The following ZDHHC15 variants were observed in gnomAD, a reference collection of about 807,000 sequenced individuals.
ZDHHC15 encodes the protein zDHHC palmitoyltransferase 15.
ZDHHC15 carries 19 observed loss-of-function variants against 31.7 expected under a neutral mutation model. The observed-to-expected ratio is 0.60, with a 90% CI of 0.42 to 0.88. The LOEUF (loss-of-function observed/expected upper bound fraction) is 0.88. ZDHHC15 is among the 40% of genes least tolerant of loss of function. The probability of loss-of-function intolerance (pLI) is 0.00; values close to 1 mark genes in which losing one functional copy is unlikely to be tolerated. For synonymous variants in ZDHHC15, 103 were observed against 90.0 expected, an observed-to-expected ratio of 1.14 and a Z score of -0.82; for missense variants, 209 against 251.2, an observed-to-expected ratio of 0.83 and a Z score of 1.14.
chrX:75,408,292 T>C (rs1336826447), intron 10 of ZDHHC15, among the ~76,000 whole-genome samples: 1 of 111,478 alleles, frequency 9.0e-6, no homozygotes, highest in Non-Finnish European at 1.9e-5. Flanking sequence ...GCAAGGATGG[T>C]TCAACATACA....
At chrX:75,491,720 C>T (rs948883465) in intron 2 of ZDHHC15, among the ~76,000 whole-genome samples, 4 of 110,861 alleles carry the variant, frequency 3.6e-5, no homozygotes, top group Non-Finnish European at 5.7e-5. Flanking sequence ...GAAATAAAAT[C>T]CTTTACAGAC....
At chrX:75,389,977 C>T (rs12391869) in intron 10 of ZDHHC15, among the ~76,000 whole-genome samples, 8,764 of 110,453 alleles carry the variant, frequency 0.079, 520 homozygotes, top group African/African-American at 0.21. Flanking sequence ...CAGAGTGGAG[C>T]TCACTGCCCT....
intron 2 of ZDHHC15, among the ~76,000 whole-genome samples, chrX:75,496,229 T>G (rs745481241): frequency 9.0e-6 from 1 of 110,993 alleles, no homozygotes; most frequent in African/African-American, 3.3e-5. Flanking sequence ...AAAACAGACT[T>G]TAAAGGAACA....
intron 7 of ZDHHC15, among the ~76,000 whole-genome samples, chrX:75,428,861 T>G (rs1033164309): frequency 1.8e-5 from 2 of 111,968 alleles, no homozygotes; most frequent in African/African-American, 6.5e-5. Context: ...AAGATTCTCG[T>G]GTATGACAGA....
At chrX:75,508,796 C>T (rs1256631096) in intron 1 of ZDHHC15, among the ~76,000 whole-genome samples, 3 of 110,893 alleles carry the variant, frequency 2.7e-5, no homozygotes, top group African/African-American at 9.8e-5. Context: ...TCTCCACATC[C>T]TCTCCAGCAC....
intron 2 of ZDHHC15, among the ~76,000 whole-genome samples, chrX:75,497,381 T>C (rs2085018262): frequency 9.0e-6 from 1 of 111,362 alleles, no homozygotes; most frequent in Non-Finnish European, 1.9e-5. Flanking sequence ...CCAGATAAAT[T>C]CACAGCTGAA....
At chrX:75,488,471 G>A (rs1370534521) in intron 2 of ZDHHC15, among the ~76,000 whole-genome samples, 2 of 112,325 alleles carry the variant, frequency 1.8e-5, no homozygotes, top group Non-Finnish European at 3.8e-5. Context: ...AACAAATGCT[G>A]AGAGAATTTG....
chrX:75,389,249 G>T (rs1472802688), intron 10 of ZDHHC15, among the ~76,000 whole-genome samples: 1 of 111,441 alleles, frequency 9.0e-6, no homozygotes, highest in Non-Finnish European at 1.9e-5. Context: ...TGAGGCTCTG[G>T]GGTCCTAAAT....
chrX:75,517,955 G>T (rs1396031720), intron 1 of ZDHHC15, among the ~76,000 whole-genome samples: 2 of 107,983 alleles, frequency 1.9e-5, no homozygotes, highest in Non-Finnish European at 1.9e-5. Flanking sequence ...ACATAGTGAG[G>T]TCCCGTATCA....
At chrX:75,489,070 G>A (rs1463230280) in intron 2 of ZDHHC15, among the ~76,000 whole-genome samples, 1 of 111,951 alleles carries the variant, frequency 8.9e-6, no homozygotes, top group Non-Finnish European at 1.9e-5. Flanking sequence ...GCCTAGGCTT[G>A]AGTAGGTAAA....
chrX:75,376,240 C>T (rs940412740), intron 11 of ZDHHC15, among the ~76,000 whole-genome samples: 13 of 93,252 alleles, frequency 1.4e-4, no homozygotes, highest in African/African-American at 4.8e-4. Flanking sequence ...ATGTCCTTTG[C>T]CCATTTTTAA....
At chrX:75,486,040 C>CA (rs34752558) in intron 2 of ZDHHC15, among the ~76,000 whole-genome samples, 9,227 of 110,314 alleles carry the variant, frequency 0.084, 612 homozygotes, top group African/African-American at 0.22. Context: ...CAAGGAAAAC[C>CA]AAAAAAAATC....
At chrX:75,424,593 C>T in intron 8 of ZDHHC15, 59 bp downstream of exon 8, 2 of 1,091,145 alleles carry the variant, frequency 1.8e-6, no homozygotes, top group Non-Finnish European at 2.4e-6. Context: ...GGGAACAATT[C>T]ACAGGTCCCT....
chrX:75,434,639 G>A (rs1345148578), intron 4 of ZDHHC15, among the ~76,000 whole-genome samples: 1 of 111,767 alleles, frequency 8.9e-6, no homozygotes. Context: ...TCAAAAATCA[G>A]TTAGCTGTAA....
At chrX:75,375,046 T>A (rs2083045704) in intron 11 of ZDHHC15, among the ~76,000 whole-genome samples, 1 of 111,542 alleles carries the variant, frequency 9.0e-6, no homozygotes, top group African/African-American at 3.3e-5. Flanking sequence ...AGTATATAGT[T>A]TTTTTGTAGT....
chrX:75,400,684 A>G (rs778581961), intron 10 of ZDHHC15, among the ~76,000 whole-genome samples: 1 of 111,819 alleles, frequency 8.9e-6, no homozygotes, highest in Admixed American at 9.5e-5. Flanking sequence ...TAATCATCAG[A>G]TTTTCCAAGG....
chrX:75,453,312 C>T (rs763438193), intron 3 of ZDHHC15, among the ~76,000 whole-genome samples: 1 of 111,473 alleles, frequency 9.0e-6, no homozygotes, highest in South Asian at 3.8e-4. Flanking sequence ...AATTCCTGGA[C>T]ACATATACCC....
At chrX:75,445,853 T>C (rs976698463) in intron 4 of ZDHHC15, among the ~76,000 whole-genome samples, 6 of 111,545 alleles carry the variant, frequency 5.4e-5, no homozygotes, top group Non-Finnish European at 1.1e-4. Context: ...CTGCAACCAG[T>C]AGAAGCAGCT....
intron 1 of ZDHHC15, among the ~76,000 whole-genome samples, chrX:75,519,219 A>G (rs1005398960): frequency 3.6e-5 from 4 of 111,604 alleles, no homozygotes; most frequent in African/African-American, 1.3e-4. Context: ...TCACCCCAAT[A>G]AAATGGATAC....
Sources: allele counts gnomAD v4.1 joint callset (sites outside exome capture counted in the v4.1 genomes callset), GRCh38; gene constraint gnomAD v4.1.1; transcripts MANE v1.5; gene names NCBI Gene and HGNC (gene_info 2026-07-23, HGNC 2026-07-21).